The following EXOC4 variants were observed in gnomAD, a reference collection of about 807,000 sequenced individuals.
EXOC4 encodes SEC8-like 1.
EXOC4 carries 71 observed loss-of-function variants against 107.2 expected under a neutral mutation model. That is an observed-to-expected ratio of 0.66 (90% CI 0.55 to 0.81). The LOEUF is 0.81. Among genes scored for constraint, EXOC4 ranks in the 30% least tolerant of loss-of-function variants. The pLI is 0.00. For synonymous variants in EXOC4, 456 were observed against 441.2 expected (o/e 1.03, Z -0.42); for missense variants, 1,108 against 1,189.6 (o/e 0.93, Z 1.01).
chr7:133,747,055 G>A (rs760110512), intron 10 of EXOC4, among the ~76,000 whole-genome samples: 2 of 152,146 alleles, frequency 1.3e-5, no homozygotes, highest in Non-Finnish European at 2.9e-5. Flanking sequence ...ATTAGGTCCA[G>A]ACAAAAGGTA....
At chr7:133,651,329 T>G (rs1179405557) in intron 10 of EXOC4, among the ~76,000 whole-genome samples, 1 of 150,592 alleles carries the variant, frequency 6.6e-6, no homozygotes, top group African/African-American at 2.4e-5. Context: ...AAGGATGTTA[T>G]ATCTTCAAAA....
intron 1 of EXOC4, among the ~76,000 whole-genome samples, chr7:133,259,249 T>G (rs948300878): frequency 2.6e-5 from 4 of 151,342 alleles, no homozygotes; most frequent in Non-Finnish European, 5.9e-5. Flanking sequence ...TTTTTTTTTT[T>G]TGAGGCAGAG....
chr7:133,948,844 TCA>T (rs1346258556), intron 14 of EXOC4, among the ~76,000 whole-genome samples: 2 of 152,220 alleles, frequency 1.3e-5, no homozygotes, highest in Non-Finnish European at 2.9e-5. Context: ...CTGTCTGTTC[TCA>T]GAGTGCAGAC....
chr7:134,019,657 C>G (rs1794986145), intron 17 of EXOC4, among the ~76,000 whole-genome samples: 3 of 152,164 alleles, frequency 2.0e-5, no homozygotes, highest in Admixed American at 2.0e-4. Flanking sequence ...AGGCCAGATT[C>G]AAACTTAGGT....
chr7:133,821,447 T>A (rs1490122364), intron 11 of EXOC4, among the ~76,000 whole-genome samples: 6 of 152,248 alleles, frequency 3.9e-5, no homozygotes, highest in Admixed American at 3.9e-4. Flanking sequence ...CAGTCTGCTA[T>A]GAGACGTAGA....
At chr7:133,463,207 G>A (rs1336174950) in intron 7 of EXOC4, among the ~76,000 whole-genome samples, 1 of 152,144 alleles carries the variant, frequency 6.6e-6, no homozygotes, top group Non-Finnish European at 1.5e-5. Flanking sequence ...GTGATTTGGA[G>A]AACAAGACTG....
At chr7:133,611,550 G>A (rs1419572021) in intron 9 of EXOC4, among the ~76,000 whole-genome samples, 2 of 151,942 alleles carry the variant, frequency 1.3e-5, no homozygotes, top group African/African-American at 4.8e-5. Flanking sequence ...CTGTTGATCT[G>A]GTCTGCCTAC....
At chr7:133,673,062 C>T (rs778236770) in intron 10 of EXOC4, among the ~76,000 whole-genome samples, 74 of 152,322 alleles carry the variant, frequency 4.9e-4, no homozygotes, top group Non-Finnish European at 7.2e-4. Context: ...ATCAGCCACC[C>T]ACCATCACCC....
rs542634472 is a variant in EXOC4, at chr7:133,833,401, A to G, written c.1734+15857A>G. 9.8e-5 allele frequency among the ~76,000 whole-genome samples: 15 copies of G among 152,346 alleles called. No individual in the cohort carries two copies. In the South Asian group the frequency reaches 2.7e-3, roughly 27 times the overall value. ...TTGGGGTTCCTCCCAGATATTTCTTATAGAGGGAGCTAAACCCGAAGGAGT... is the reference window on the plus strand; with the variant it reads ...TTGGGGTTCCTCCCAGATATTTCTTGTAGAGGGAGCTAAACCCGAAGGAGT... On this transcript the variant is annotated intron_variant, in intron 11 of 17. Coordinates refer to ENST00000253861, the MANE Select transcript of EXOC4 (RefSeq NM_021807.4).
intron 10 of EXOC4, among the ~76,000 whole-genome samples, chr7:133,765,048 A>C (rs1415330502): frequency 2.0e-5 from 3 of 152,078 alleles, no homozygotes; most frequent in Admixed American, 6.6e-5. Context: ...AAATTTCTAC[A>C]ACCAATGAAG....
chr7:133,883,607 C>T (rs1245870319), intron 11 of EXOC4, among the ~76,000 whole-genome samples: 1 of 151,862 alleles, frequency 6.6e-6, no homozygotes, highest in African/African-American at 2.4e-5. Context: ...CACACTACTG[C>T]ACTCCAGTCT....
intron 17 of EXOC4, among the ~76,000 whole-genome samples, chr7:134,057,350 C>T (rs1234166199): frequency 6.7e-6 from 1 of 148,542 alleles, no homozygotes; most frequent in Non-Finnish European, 1.5e-5. Flanking sequence ...CCTATACAAT[C>T]CGTTGTGAGA....
At chr7:133,266,111 A>C (rs1793725680) in intron 1 of EXOC4, among the ~76,000 whole-genome samples, 1 of 152,200 alleles carries the variant, frequency 6.6e-6, no homozygotes, top group African/African-American at 2.4e-5. Context: ...CTACAAGTTC[A>C]AGATCAACCT....
chr7:133,811,795 T>A (rs377676763), intron 10 of EXOC4, among the ~76,000 whole-genome samples: 4 of 152,340 alleles, frequency 2.6e-5, no homozygotes, highest in African/African-American at 9.6e-5. Context: ...TTTTTAAAAA[T>A]TTTGTATTGA....
In EXOC4 at chr7:134,043,097, G is replaced by T. The variant is rs147142727; in HGVS notation, c.2688-21194G>T. Among the ~76,000 whole-genome samples the T allele has an allele frequency of 5.7e-4, 87 of 152,190 alleles. 1 individual carries two copies. The highest frequency in any genetic ancestry group is 9.4e-4 in the Non-Finnish European group (64 of 68,022). ...CTTCCCCCACTGCAGTCTCCCTCAT[G>T]GGTTCGGATGGTTTTTAAATGTCAT... On this transcript the variant is annotated intron_variant, in intron 17 of 17. Coordinates refer to ENST00000253861, the MANE Select transcript of EXOC4 (RefSeq NM_021807.4).
chr7:133,322,126 G>A (rs1288641108), intron 5 of EXOC4, among the ~76,000 whole-genome samples: 2 of 152,158 alleles, frequency 1.3e-5, no homozygotes, highest in African/African-American at 2.4e-5. Context: ...TTAGCCCTTT[G>A]TCAGATGGAT....
intron 14 of EXOC4, among the ~76,000 whole-genome samples, chr7:133,991,890 T>A (rs1003499117): frequency 3.9e-5 from 6 of 152,236 alleles, no homozygotes; most frequent in African/African-American, 1.2e-4. Context: ...AGTAGTGTGA[T>A]GCCTTCAGCT....
At chr7:133,571,151 T>C (rs1350134576) in intron 9 of EXOC4, among the ~76,000 whole-genome samples, 2 of 152,196 alleles carry the variant, frequency 1.3e-5, no homozygotes, top group African/African-American at 4.8e-5. Flanking sequence ...TGATTACTTA[T>C]GTAGCTCTAG....
chr7:133,856,789 C>G (rs963273451), intron 11 of EXOC4, among the ~76,000 whole-genome samples: 1 of 151,872 alleles, frequency 6.6e-6, no homozygotes, highest in Non-Finnish European at 1.5e-5. Flanking sequence ...GCCATAAATG[C>G]AATAGAGAAA....
Sources: gnomAD v4.1 joint callset for allele counts (sites outside exome capture counted in the v4.1 genomes callset) on GRCh38, gnomAD v4.1.1 for gene constraint, MANE v1.5 for transcripts, NCBI Gene and HGNC (gene_info 2026-07-23, HGNC 2026-07-21) for gene names.